RAMP1: variants seen among roughly 807,000 people sequenced by gnomAD.
RAMP1 encodes receptor activity modifying protein 1, also known as receptor activity-modifying protein 1.
A neutral mutation model predicts 8.2 loss-of-function variants in RAMP1; 7 were observed. The observed-to-expected ratio is 0.85, with a 90% CI of 0.49 to 1.60. The LOEUF (loss-of-function observed/expected upper bound fraction) is 1.60. RAMP1 is among the 40% of genes most tolerant of loss of function. RAMP1 has a pLI of 0.00. For synonymous variants in RAMP1, 92 were observed against 84.7 expected, an observed-to-expected ratio of 1.09 and a Z score of -0.47; for missense variants, 192 against 202.4, an observed-to-expected ratio of 0.95 and a Z score of 0.31.
intron 1 of RAMP1, among the ~76,000 whole-genome samples, chr2:237,868,606 G>T (rs1490506958): frequency 6.9e-6 from 1 of 145,542 alleles, no homozygotes; most frequent in Non-Finnish European, 1.5e-5. Context: ...AAAAAAAACA[G>T]TTCCTGAGTT....
chr2:237,897,898 A>G (rs1351833260), intron 2 of RAMP1, among the ~76,000 whole-genome samples: 1 of 152,006 alleles, frequency 6.6e-6, no homozygotes, highest in Non-Finnish European at 1.5e-5. Flanking sequence ...TCCCGAGTTC[A>G]AGCCATTCTC....
intron 2 of RAMP1, among the ~76,000 whole-genome samples, chr2:237,910,048 C>T (rs1212290625): frequency 6.6e-6 from 1 of 152,170 alleles, no homozygotes; most frequent in Admixed American, 6.6e-5. Flanking sequence ...AGCCTGGTGG[C>T]AGCCATACCT....
At chr2:237,875,332 G>A (rs2062291541) in intron 1 of RAMP1, among the ~76,000 whole-genome samples, 1 of 152,038 alleles carries the variant, frequency 6.6e-6, no homozygotes, top group Admixed American at 6.5e-5. Flanking sequence ...CACCTGTGCT[G>A]TCGGGAAGCA....
intron 2 of RAMP1, among the ~76,000 whole-genome samples, chr2:237,886,411 C>T (rs2062433612): frequency 6.6e-6 from 1 of 152,172 alleles, no homozygotes; most frequent in South Asian, 2.1e-4. Flanking sequence ...TGATGAGGAT[C>T]CCCAGAGGAT....
intron 2 of RAMP1, among the ~76,000 whole-genome samples, chr2:237,884,543 G>A (rs559573886): frequency 6.6e-6 from 1 of 152,276 alleles, no homozygotes; most frequent in African/African-American, 2.4e-5. Flanking sequence ...GAAATGCTCG[G>A]TTGATTTAAG....
intron 2 of RAMP1, among the ~76,000 whole-genome samples, chr2:237,905,403 G>A (rs896909745): frequency 7.2e-5 from 11 of 152,224 alleles, no homozygotes; most frequent in African/African-American, 2.7e-4. Context: ...GGGTGGCACT[G>A]CAATCCAGAA....
intron 1 of RAMP1, among the ~76,000 whole-genome samples, chr2:237,870,472 T>A (rs895895773): frequency 6.6e-6 from 1 of 152,262 alleles, no homozygotes; most frequent in Non-Finnish European, 1.5e-5. Context: ...TCTAACATCT[T>A]ATTTTCCATT....
intron 2 of RAMP1, among the ~76,000 whole-genome samples, chr2:237,894,113 G>A (rs1479041402): frequency 6.6e-6 from 1 of 151,272 alleles, no homozygotes; most frequent in Non-Finnish European, 1.5e-5. Context: ...GGGACTACAG[G>A]TGCATGCCAT....
In RAMP1 at chr2:237,878,204, C is replaced by A. The variant is rs531068294; in HGVS notation, c.191+842C>A. 1 of 978,854 alleles carries A rather than the reference C, an allele frequency of 1.0e-6. No homozygotes were observed. Among genetic ancestry groups the A allele is most frequent in the South Asian group, 4.7e-5 (1 of 21,132 alleles). The allele number at this position is 978,854 out of a possible 1,614,324, so 60.6% of individuals were successfully genotyped here. ...CAGAGATCTGTCTGTGGGTTCACAG[C>A]GCAGCGCAAGTCCTGGTGCCCCACC... On this transcript the variant is annotated intron_variant, in intron 2 of 2. Transcript: ENST00000254661. The surrounding 1 kb of genome is among the most constrained non-coding windows in gnomAD (Gnocchi z 5.7).
intron 1 of RAMP1, among the ~76,000 whole-genome samples, chr2:237,873,835 A>T (rs548963744): frequency 3.9e-5 from 6 of 152,324 alleles, no homozygotes; most frequent in African/African-American, 1.4e-4. Context: ...GTTTAAGAAA[A>T]ACCCAAGCAT....
rs1576540102 is a variant in RAMP1 at position 237,877,166 on chromosome 2, T to C, written c.53-58T>C. 10 of 1,608,272 alleles carry C rather than the reference T, an allele frequency of 6.2e-6. No individual in the cohort carries two copies. The Middle Eastern group carries it at 6.7e-4, about 108-fold the overall frequency. ...GCTGCAGGGGCGCGCGGGCTGGCGG[T>C]GATACCCCTAGGCCTCTGCTGCCGC... On this transcript the variant is annotated intron_variant, in intron 1 of 2. Transcript: ENST00000254661. The surrounding 1 kb of genome is among the most constrained non-coding windows in gnomAD (Gnocchi z 4.4).
At position 237,862,123 on chromosome 2, in the gene RAMP1, CA is replaced by C. The variant is rs1014842485; in HGVS notation, c.52+2397del. 1.6e-4 allele frequency among the ~76,000 whole-genome samples: 25 copies of C among 152,172 alleles called. No homozygotes were observed. The highest frequency in any genetic ancestry group is 5.8e-4 in the African/African-American group (24 of 41,506). On this transcript the variant is annotated intron_variant, in intron 1 of 2. Coordinates refer to ENST00000254661, the MANE Select transcript of RAMP1 (RefSeq NM_005855.4). The surrounding 1 kb of genome is among the most constrained non-coding windows in gnomAD (Gnocchi z 4.0). ...CCTTCCTTGGCTGTCACGTGGGAGC[CA>C]GGGGTTTTTTTAATGGCTGCAACAT...
chr2:237,882,510 C>T (rs534650904), intron 2 of RAMP1, among the ~76,000 whole-genome samples: 7 of 152,344 alleles, frequency 4.6e-5, no homozygotes, highest in South Asian at 4.1e-4. Flanking sequence ...CCATGGCTCC[C>T]TCCTGGTTCC....
Position 237,911,943 on chromosome 2 carries a change from T to G in RAMP1, c.*160T>G. 2.4e-6 allele frequency: 3 copies of G among 1,248,120 alleles called. No individual in the cohort carries two copies. Among genetic ancestry groups the G allele is most frequent in the Non-Finnish European group, 3.2e-6 (3 of 929,546 alleles). The allele number at this position is 1,248,120 out of a possible 1,614,324, so 77.3% of individuals were successfully genotyped here. A position where few individuals can be genotyped will look rare whatever the true frequency, so the allele number is the denominator to read the frequency against. ...CAGGAGTCCAGAGTAGCCGAGGCTCTGGTATTAACCTGGAAGCCCCCCTGG... is the reference window on the plus strand; with the variant it reads ...CAGGAGTCCAGAGTAGCCGAGGCTCGGGTATTAACCTGGAAGCCCCCCTGG... On this transcript the variant is annotated 3_prime_UTR_variant, in exon 3 of 3. Transcript: ENST00000254661.
intron 2 of RAMP1, among the ~76,000 whole-genome samples, chr2:237,903,270 T>C (rs2062623671): frequency 6.6e-6 from 1 of 152,222 alleles, no homozygotes; most frequent in African/African-American, 2.4e-5. Context: ...CGCTGTCCTG[T>C]TGTTTGCTGT....
chr2:237,885,718 C>T (rs1000495195), intron 2 of RAMP1, among the ~76,000 whole-genome samples: 1 of 152,238 alleles, frequency 6.6e-6, no homozygotes, highest in Non-Finnish European at 1.5e-5. Context: ...TCGCTCCTGC[C>T]GTGCCCCTCT....
intron 2 of RAMP1, among the ~76,000 whole-genome samples, chr2:237,899,656 C>T (rs555654848): frequency 5.3e-5 from 8 of 152,206 alleles, no homozygotes; most frequent in Non-Finnish European, 8.8e-5. Flanking sequence ...TAGGTGGAAG[C>T]GAAGGGCATC....
chr2:237,902,179 G>A (rs1039767450), intron 2 of RAMP1, among the ~76,000 whole-genome samples: 6 of 152,070 alleles, frequency 3.9e-5, no homozygotes, highest in African/African-American at 1.2e-4. Context: ...TAAGGGCCCG[G>A]GGTCTTCAGT....
At chr2:237,897,223 A>G (rs1289386893) in intron 2 of RAMP1, among the ~76,000 whole-genome samples, 1 of 152,198 alleles carries the variant, frequency 6.6e-6, no homozygotes, top group East Asian at 1.9e-4. Context: ...CAGGCCAGGA[A>G]AGAGGGAGAC....
Sources: allele counts gnomAD v4.1 joint callset (sites outside exome capture counted in the v4.1 genomes callset), GRCh38; gene constraint gnomAD v4.1.1; non-coding constraint Gnocchi (gnomAD v3.1); transcripts MANE v1.5; gene names NCBI Gene and HGNC (gene_info 2026-07-23, HGNC 2026-07-21).